Variants in GSDMC observed in about 807,000 individuals in gnomAD.
The protein encoded by GSDMC is gasdermin-C.
GSDMC carries 59 observed loss-of-function variants against 58.0 expected under a neutral mutation model. The ratio of observed to expected loss-of-function variants is 1.02; its 90% CI spans 0.82 to 1.26. The LOEUF (loss-of-function observed/expected upper bound fraction) is 1.26, where lower values mean the gene tolerates loss of function less well. Ranked by LOEUF, GSDMC falls within the 50% of genes most tolerant of loss-of-function variation. GSDMC has a pLI of 0.00. For synonymous variants in GSDMC, 241 were observed against 220.2 expected (o/e 1.09, Z -0.83); for missense variants, 659 against 598.5 (o/e 1.10, Z -1.06).
rs766559947 is a variant in GSDMC at position 129,752,727 on chromosome 8, G to A, written c.815C>T (p.Ala272Val). ...TTTTAACTTCATATCATTGGATGAG[G>A]CATTGAAGAGGGTTGGAGAGATGGT... ...FHTISPTLFNASSNDMKLKPE... is the reference protein window; with the variant it reads ...FHTISPTLFNVSSNDMKLKPE... Residue 272 changes from alanine (A) to valine (V), a missense_variant, in exon 7 of 14, where the codon GCC (alanine) becomes GTC (valine). Transcript: ENST00000276708. The A allele has an allele frequency of 1.2e-5, 19 of 1,614,202 alleles. No individual in the cohort carries two copies. The highest frequency in any genetic ancestry group is 2.5e-6 in the Non-Finnish European group (3 of 1,180,024).
intron 3 of GSDMC, among the ~76,000 whole-genome samples, chr8:129,772,482 C>A (rs2034094210): frequency 6.6e-6 from 1 of 151,768 alleles, no homozygotes; most frequent in Non-Finnish European, 1.5e-5. Flanking sequence ...ATCATGAGAG[C>A]CTATTATCTG....
At chr8:129,716,010 A>G in the GSDMC span, among the ~76,000 whole-genome samples, 92 of 152,312 alleles carry the variant, frequency 6.0e-4, no homozygotes, top group Admixed American at 2.0e-3. Context: ...ATAACAATAC[A>G]AAGTTATAGC....
At chr8:129,733,188 G>A in the GSDMC span, among the ~76,000 whole-genome samples, 1 of 151,890 alleles carries the variant, frequency 6.6e-6, no homozygotes, top group Non-Finnish European at 1.5e-5. Context: ...GCCCACCACA[G>A]TTCAGCAAGG....
At chr8:129,707,654 A>G in the GSDMC span, among the ~76,000 whole-genome samples, 2 of 152,248 alleles carry the variant, frequency 1.3e-5, no homozygotes, top group African/African-American at 4.8e-5. Context: ...AACAATGGAA[A>G]CAGCACAAAT....
downstream of GSDMC, among the ~76,000 whole-genome samples, chr8:129,747,966 G>T (rs533013856): frequency 6.6e-6 from 1 of 151,990 alleles, no homozygotes; most frequent in Admixed American, 6.6e-5. Context: ...ACACACACGT[G>T]GGGGCTAACA....
chr8:129,710,624 G>A, the GSDMC span, among the ~76,000 whole-genome samples: 1 of 152,290 alleles, frequency 6.6e-6, no homozygotes, highest in South Asian at 2.1e-4. Context: ...TTCTTATCTT[G>A]AGAAGAATGT....
the GSDMC span, chr8:129,729,886 C>T: frequency 9.0e-7 from 1 of 1,110,594 alleles, no homozygotes; most frequent in Non-Finnish European, 1.4e-6. Context: ...TTGCCCCAAC[C>T]TACTGAGATT....
chr8:129,751,766 G>T (rs138317285), intron 9 of GSDMC, 96 bp downstream of exon 9: 1 of 1,301,220 alleles, frequency 7.7e-7, no homozygotes, highest in Non-Finnish European at 1.1e-6. Context: ...GCCCTAGGGC[G>T]GTGGTGGCAA....
At chr8:129,758,389 C>T (rs558434792) in intron 6 of GSDMC, among the ~76,000 whole-genome samples, 1 of 152,168 alleles carries the variant, frequency 6.6e-6, no homozygotes, top group African/African-American at 2.4e-5. Context: ...AGAGAAAGAA[C>T]TAAAGGGCAT....
chr8:129,710,196 T>A, the GSDMC span, among the ~76,000 whole-genome samples: 1 of 152,238 alleles, frequency 6.6e-6, no homozygotes, highest in Non-Finnish European at 1.5e-5. Flanking sequence ...ATTATAGATT[T>A]CTTTTGTTTC....
At chr8:129,708,717 A>C in the GSDMC span, among the ~76,000 whole-genome samples, 1 of 152,264 alleles carries the variant, frequency 6.6e-6, no homozygotes, top group Non-Finnish European at 1.5e-5. Flanking sequence ...ACTTTATTCA[A>C]GCCTTGCCAG....
At chr8:129,743,821 A>G (rs964749704), downstream of GSDMC, among the ~76,000 whole-genome samples, 5 of 152,138 alleles carry the variant, frequency 3.3e-5, no homozygotes, top group Non-Finnish European at 5.9e-5. Flanking sequence ...CTAAGACATG[A>G]TCCTTCTGGG....
chr8:129,765,338 C>T (rs1192651237), intron 4 of GSDMC, among the ~76,000 whole-genome samples: 4 of 152,120 alleles, frequency 2.6e-5, no homozygotes, highest in African/African-American at 9.7e-5. Flanking sequence ...TTGAATTCTG[C>T]AGAATTTATC....
At chr8:129,714,496 T>C in the GSDMC span, among the ~76,000 whole-genome samples, 1 of 152,258 alleles carries the variant, frequency 6.6e-6, no homozygotes, top group East Asian at 1.9e-4. Flanking sequence ...AAAGAGACTT[T>C]AATAATGTTT....
chr8:129,778,663 G>T (rs1461213947), intron 1 of GSDMC, among the ~76,000 whole-genome samples: 1 of 152,044 alleles, frequency 6.6e-6, no homozygotes, highest in Non-Finnish European at 1.5e-5. Context: ...TATGAACAGA[G>T]TGAACAGGTA....
intron 5 of GSDMC, 145 bp downstream of exon 5, chr8:129,762,481 G>T: frequency 5.8e-6 from 4 of 692,920 alleles, no homozygotes; most frequent in Non-Finnish European, 7.8e-6. Context: ...GTGTGCCCTG[G>T]ACAGTAAGAA....
chr8:129,777,568 C>A lies in GSDMC; in HGVS notation c.20G>T (p.Arg7Leu). The A allele has an allele frequency of 6.2e-7, 1 of 1,602,780 alleles. No homozygotes were observed. The highest frequency in any genetic ancestry group is 8.5e-7 in the Non-Finnish European group (1 of 1,171,542). The change falls in exon 2 of 14, where the codon CGC (arginine) becomes CTC (leucine). Residue 7 changes from arginine (R) to leucine (L), a missense_variant. Arg to Leu is a moderately radical substitution (Grantham distance 102). Transcript: ENST00000276708. ...CTCTTTGACCAAATTTTTGCTAATG[C>A]GTTCCAACATGGAGGGCATGTTGCT... MPSMLE[R>L]ISKNLVKEIG...
the GSDMC span, among the ~76,000 whole-genome samples, chr8:129,712,063 C>T: frequency 6.6e-6 from 1 of 152,124 alleles, no homozygotes; most frequent in Non-Finnish European, 1.5e-5. Context: ...TTGAGGCCTG[C>T]CTGGGCACCA....
chr8:129,774,093 C>T (rs1309338682), intron 3 of GSDMC, among the ~76,000 whole-genome samples: 1 of 152,070 alleles, frequency 6.6e-6, no homozygotes, highest in Non-Finnish European at 1.5e-5. Context: ...CCCAGAATAG[C>T]TAAAGCAATC....
Sources: gnomAD v4.1 joint callset for allele counts (sites outside exome capture counted in the v4.1 genomes callset) on GRCh38, gnomAD v4.1.1 for gene constraint, MANE v1.5 for transcripts, NCBI Gene and HGNC (gene_info 2026-07-23, HGNC 2026-07-21) for gene names.